The following GNA14 variants were observed in gnomAD, a reference collection of about 807,000 sequenced individuals.
GNA14 encodes the protein guanine nucleotide-binding protein subunit alpha-14.
GNA14 carries 50 observed loss-of-function variants against 42.0 expected under a neutral mutation model. The ratio of observed to expected loss-of-function variants is 1.19; its 90% CI spans 0.95 to 1.51. The LOEUF (loss-of-function observed/expected upper bound fraction) is 1.51, where lower values mean the gene tolerates loss of function less well. Ranked by LOEUF, GNA14 falls within the 40% of genes most tolerant of loss-of-function variation. The probability of loss-of-function intolerance (pLI) is 0.00; values close to 1 mark genes in which losing one functional copy is unlikely to be tolerated. For missense variants in GNA14, 473 were observed against 446.2 expected, an observed-to-expected ratio of 1.06 and a Z score of -0.54; for synonymous variants, 173 against 163.1, an observed-to-expected ratio of 1.06 and a Z score of -0.46.
intron 1 of GNA14, among the ~76,000 whole-genome samples, chr9:77,624,520 G>C (rs1823983633): frequency 1.3e-5 from 2 of 152,280 alleles, no homozygotes; most frequent in Admixed American, 6.5e-5. Context: ...ATACAGGAGA[G>C]CTCCAGCTGG....
intron 2 of GNA14, among the ~76,000 whole-genome samples, chr9:77,521,425 T>C (rs749561147): frequency 6.6e-6 from 1 of 152,154 alleles, no homozygotes; most frequent in Non-Finnish European, 1.5e-5. Flanking sequence ...AAGTAGAACA[T>C]AAGAGGCTCT....
intron 1 of GNA14, among the ~76,000 whole-genome samples, chr9:77,640,353 C>T (rs575440313): frequency 2.0e-5 from 3 of 152,188 alleles, no homozygotes; most frequent in African/African-American, 7.2e-5. Flanking sequence ...ACTGAAAATC[C>T]CTCTCTGACT....
chr9:77,445,640 A>G (rs7023901), intron 2 of GNA14, among the ~76,000 whole-genome samples: 24,926 of 151,678 alleles, frequency 0.16, 2,259 homozygotes, highest in East Asian at 0.36. Flanking sequence ...CTACTTGGCG[A>G]CTGAGGCAGA....
At chr9:77,487,018 T>TAA (rs35749481) in intron 2 of GNA14, among the ~76,000 whole-genome samples, 3,656 of 144,680 alleles carry the variant, frequency 0.025, 59 homozygotes, top group African/African-American at 0.051. Flanking sequence ...TTCAATTTGT[T>TAA]AAAAAAAAAA....
chr9:77,463,939 T>A (rs576042465), intron 2 of GNA14, among the ~76,000 whole-genome samples: 1 of 152,360 alleles, frequency 6.6e-6, no homozygotes, highest in East Asian at 1.9e-4. Context: ...AAGAGAAATA[T>A]ATAGTTATAC....
chr9:77,507,572 CCT>C (rs1228639773), intron 2 of GNA14, among the ~76,000 whole-genome samples: 2 of 152,218 alleles, frequency 1.3e-5, no homozygotes, highest in South Asian at 2.1e-4. Context: ...GCTGTATTTC[CCT>C]CTGTTTTCAT....
chr9:77,619,577 T>C (rs1331584378), intron 1 of GNA14, among the ~76,000 whole-genome samples: 1 of 152,190 alleles, frequency 6.6e-6, no homozygotes, highest in Non-Finnish European at 1.5e-5. Flanking sequence ...CCGCATTTAG[T>C]ACTGTGTGAT....
At chr9:77,452,148 T>G (rs1835911237) in intron 2 of GNA14, among the ~76,000 whole-genome samples, 1 of 152,156 alleles carries the variant, frequency 6.6e-6, no homozygotes, top group African/African-American at 2.4e-5. Context: ...ACTGGTCCTG[T>G]CAGCAGGTCT....
intron 2 of GNA14, among the ~76,000 whole-genome samples, chr9:77,527,198 A>G (rs1439797321): frequency 6.6e-6 from 1 of 152,222 alleles, no homozygotes; most frequent in Non-Finnish European, 1.5e-5. Context: ...CTCTTCACTG[A>G]AGTCATCTTA....
chr9:77,619,273 C>T (rs1365803047), intron 1 of GNA14, among the ~76,000 whole-genome samples: 1 of 152,174 alleles, frequency 6.6e-6, no homozygotes, highest in Non-Finnish European at 1.5e-5. Context: ...ATGGAGCAAT[C>T]TCAGTTCACT....
chr9:77,602,584 T>G (rs976528623), intron 1 of GNA14, among the ~76,000 whole-genome samples: 4 of 151,574 alleles, frequency 2.6e-5, no homozygotes, highest in African/African-American at 9.7e-5. Flanking sequence ...TGTAGCATTC[T>G]CCTCTCTCCT....
chr9:77,440,014 A>T lies in GNA14; in HGVS notation c.310-5492T>A, dbSNP rs558584814. Among the ~76,000 whole-genome samples the T allele has an allele frequency of 3.9e-5, 6 of 152,314 alleles. No individual in the cohort carries two copies. In the South Asian group the frequency reaches 1.2e-3, roughly 32 times the overall value. On this transcript the variant is annotated intron_variant, in intron 2 of 6. Transcript: ENST00000341700. ...GGCTAGAGAAACATCATGAGTTGAAATTGCCTAACACATTCATTTAATTGA... is the reference window on the plus strand; with the variant it reads ...GGCTAGAGAAACATCATGAGTTGAATTTGCCTAACACATTCATTTAATTGA...
At chr9:77,559,802 C>T (rs1822848755) in intron 1 of GNA14, among the ~76,000 whole-genome samples, 1 of 152,186 alleles carries the variant, frequency 6.6e-6, no homozygotes, top group African/African-American at 2.4e-5. Context: ...ATGGTCCTTC[C>T]ATCCTTTTCT....
chr9:77,641,705 G>A, intron 1 of GNA14, among the ~76,000 whole-genome samples: 1 of 152,190 alleles, frequency 6.6e-6, no homozygotes, highest in East Asian at 1.9e-4. Context: ...AGCCTCCTCT[G>A]GACCCTGTAC....
At chr9:77,540,652 C>CAG (rs1837648556) in intron 1 of GNA14, among the ~76,000 whole-genome samples, 1 of 152,040 alleles carries the variant, frequency 6.6e-6, no homozygotes, top group East Asian at 1.9e-4. Flanking sequence ...CTGAGTGCTC[C>CAG]AGTTTTGGGA....
intron 3 of GNA14, among the ~76,000 whole-genome samples, chr9:77,433,568 G>C (rs937359417): frequency 2.0e-5 from 3 of 151,926 alleles, no homozygotes; most frequent in African/African-American, 7.3e-5. Flanking sequence ...TTGCTCTGCT[G>C]CCCAGGCTAG....
chr9:77,630,214 C>T lies in GNA14; in HGVS notation c.124+17456G>A, dbSNP rs992760297. 3.3e-5 allele frequency among the ~76,000 whole-genome samples: 5 copies of T among 151,562 alleles called. No homozygotes were observed. The East Asian group carries it at 9.7e-4, about 29-fold the overall frequency. On this transcript the variant is annotated intron_variant, in intron 1 of 6. Transcript: ENST00000341700. ...CTCATTGCAGCTTCAACTTCCTGGG[C>T]TCAAGTTATCCTCCCACTTCAGCCT...
chr9:77,613,425 G>A (rs981272814), intron 1 of GNA14, among the ~76,000 whole-genome samples: 2 of 152,178 alleles, frequency 1.3e-5, no homozygotes. Flanking sequence ...TAAAGGATAC[G>A]AAGTTTCAGT....
chr9:77,497,394 A>G (rs373959119), intron 2 of GNA14, among the ~76,000 whole-genome samples: 263 of 152,242 alleles, frequency 1.7e-3, no homozygotes, highest in African/African-American at 6.0e-3. Flanking sequence ...TAATTCCTCT[A>G]GATCCTAGCA....
Sources: gnomAD v4.1 joint callset for allele counts (sites outside exome capture counted in the v4.1 genomes callset) on GRCh38, gnomAD v4.1.1 for gene constraint, MANE v1.5 for transcripts, NCBI Gene and HGNC (gene_info 2026-07-23, HGNC 2026-07-21) for gene names.